WWOX: variants seen among roughly 807,000 people sequenced by gnomAD.
The protein encoded by WWOX is WW domain-containing oxidoreductase.
WWOX carries 69 observed loss-of-function variants against 46.2 expected under a neutral mutation model. The observed-to-expected ratio is 1.49, with a 90% confidence interval of 1.23 to 1.82. The LOEUF is 1.82. Among genes scored for constraint, WWOX ranks in the 40% most tolerant of loss-of-function variants. The pLI is 0.00. For synonymous variants in WWOX, 359 were observed against 202.6 expected, an observed-to-expected ratio of 1.77 and a Z score of -6.56; for missense variants, 919 against 542.6, an observed-to-expected ratio of 1.69 and a Z score of -6.89.
At chr16:78,354,347 G>A (rs1385686289) in intron 5 of WWOX, among the ~76,000 whole-genome samples, 1 of 139,362 alleles carries the variant, frequency 7.2e-6, no homozygotes, top group Non-Finnish European at 1.5e-5. Flanking sequence ...GTAGGTATGT[G>A]ACTGAAACCC....
chr16:79,107,183 C>T (rs980235872), intron 8 of WWOX, among the ~76,000 whole-genome samples: 3 of 152,138 alleles, frequency 2.0e-5, no homozygotes, highest in Non-Finnish European at 4.4e-5. Flanking sequence ...TCAAGTGATC[C>T]GCCCTTCTCC....
At position 78,214,640 on chromosome 16, in the gene WWOX, A is replaced by G. The variant is rs557017930; in HGVS notation, c.516+50351A>G. 1.6e-4 allele frequency among the ~76,000 whole-genome samples: 25 copies of G among 152,282 alleles called. No homozygotes were observed. In the South Asian group the frequency reaches 2.3e-3, roughly 14 times the overall value. ...GAATATTCGTGTCCCAGGTCCCTGA[A>G]AAAGTTGCTAAGCCTGCTAAAAGCA... On this transcript the variant is annotated intron_variant, in intron 5 of 8. Transcript: ENST00000566780.
chr16:78,481,724 A>AGTGTGTGTGTGTGT (rs67780639), intron 8 of WWOX, among the ~76,000 whole-genome samples: 1,520 of 136,972 alleles, frequency 0.011, 18 homozygotes, highest in Middle Eastern at 0.025. Flanking sequence ...GGGCAAGGGA[A>AGTGTGTGTGTGTGT]GTGTGTGTGT....
intron 6 of WWOX, among the ~76,000 whole-genome samples, chr16:78,414,000 A>G (rs978846407): frequency 6.6e-6 from 1 of 151,834 alleles, no homozygotes; most frequent in African/African-American, 2.4e-5. Context: ...TGAAATAGCC[A>G]GTTCTTGCCT....
At chr16:79,098,985 G>T (rs923191833) in intron 8 of WWOX, among the ~76,000 whole-genome samples, 2 of 152,206 alleles carry the variant, frequency 1.3e-5, no homozygotes, top group Non-Finnish European at 2.9e-5. Flanking sequence ...TGCCTGGAAA[G>T]TTCAAGATTA....
intron 8 of WWOX, among the ~76,000 whole-genome samples, chr16:79,106,397 T>G (rs1161979424): frequency 2.0e-5 from 3 of 152,132 alleles, no homozygotes; most frequent in Non-Finnish European, 4.4e-5. Context: ...CATGGCATGA[T>G]TCCTCTTACC....
intron 8 of WWOX, among the ~76,000 whole-genome samples, chr16:78,476,032 C>G (rs1026518707): frequency 2.6e-5 from 4 of 152,158 alleles, no homozygotes; most frequent in Admixed American, 6.5e-5. Context: ...CTCATGCTTC[C>G]TCTGTAAAAT....
chr16:79,187,364 G>C (rs977751587), intron 8 of WWOX, among the ~76,000 whole-genome samples: 1 of 152,102 alleles, frequency 6.6e-6, no homozygotes, highest in Non-Finnish European at 1.5e-5. Context: ...ATGCCCCTAC[G>C]AACCAGGTAC....
intron 8 of WWOX, among the ~76,000 whole-genome samples, chr16:78,499,555 C>T (rs771171229): frequency 4.6e-5 from 7 of 152,226 alleles, no homozygotes; most frequent in African/African-American, 1.2e-4. Context: ...TCCACAATGC[C>T]GGGCGGTGGA....
At chr16:79,112,907 C>T (rs1007470667) in intron 8 of WWOX, among the ~76,000 whole-genome samples, 3 of 152,150 alleles carry the variant, frequency 2.0e-5, no homozygotes, top group Non-Finnish European at 4.4e-5. Flanking sequence ...CTCTGTGCAG[C>T]GCAGCTCAGC....
chr16:78,812,965 A>C (rs769519586), intron 8 of WWOX, among the ~76,000 whole-genome samples: 6 of 152,194 alleles, frequency 3.9e-5, no homozygotes, highest in Non-Finnish European at 8.8e-5. Flanking sequence ...CAAATATAAG[A>C]ATTTTGTTAT....
At chr16:78,928,456 C>T (rs946924302) in intron 8 of WWOX, among the ~76,000 whole-genome samples, 1 of 152,128 alleles carries the variant, frequency 6.6e-6, no homozygotes, top group African/African-American at 2.4e-5. Flanking sequence ...CCCGCCTCGG[C>T]CTCCCAAAGT....
chr16:78,436,343 A>G (rs1035769121), intron 8 of WWOX, among the ~76,000 whole-genome samples: 2 of 152,170 alleles, frequency 1.3e-5, no homozygotes, highest in East Asian at 1.9e-4. Context: ...TGGTTCAGTG[A>G]TCTCCAACCT....
intron 8 of WWOX, among the ~76,000 whole-genome samples, chr16:79,170,553 A>G (rs1418259822): frequency 2.0e-5 from 3 of 152,218 alleles, no homozygotes; most frequent in South Asian, 4.1e-4. Context: ...ATCTGACTGT[A>G]AATTACTTCT....
At chr16:78,224,646 C>T (rs2036992741) in intron 5 of WWOX, among the ~76,000 whole-genome samples, 1 of 152,104 alleles carries the variant, frequency 6.6e-6, no homozygotes, top group Non-Finnish European at 1.5e-5. Flanking sequence ...GTAGTACACA[C>T]CAGTGAGTGA....
At chr16:78,746,339 A>C (rs2049346514) in intron 8 of WWOX, among the ~76,000 whole-genome samples, 1 of 152,136 alleles carries the variant, frequency 6.6e-6, no homozygotes, top group Non-Finnish European at 1.5e-5. Flanking sequence ...CTGTACAAAA[A>C]ATTTAAAAAT....
At chr16:78,226,603 GTAT>G (rs2037068318) in intron 5 of WWOX, among the ~76,000 whole-genome samples, 2 of 145,840 alleles carry the variant, frequency 1.4e-5, no homozygotes, top group Non-Finnish European at 3.0e-5. Context: ...CTTTCTTCCT[GTAT>G]TATTTTCTTG....
chr16:78,887,063 A>G (rs539309114), intron 8 of WWOX, among the ~76,000 whole-genome samples: 784 of 31,028 alleles, frequency 0.025, 14 homozygotes, highest in African/African-American at 0.043. Context: ...GTCTGGCTAT[A>G]TGTGTGTGTG....
chr16:78,108,309 C>T (rs570181046), intron 1 of WWOX, 114 bp from the exon 2 acceptor site: 4 of 1,041,772 alleles, frequency 3.8e-6, no homozygotes, highest in South Asian at 2.8e-5. Context: ...TCCTTCTTCC[C>T]CCTACTTCCT....
Sources: gnomAD v4.1 joint callset for allele counts (sites outside exome capture counted in the v4.1 genomes callset) on GRCh38, gnomAD v4.1.1 for gene constraint, MANE v1.5 for transcripts, NCBI Gene and HGNC (gene_info 2026-07-23, HGNC 2026-07-21) for gene names.